ARL15: variants seen among roughly 807,000 people sequenced by gnomAD.
ARL15 encodes the protein ADP-ribosylation factor-like protein 15.
In ARL15, 19 loss-of-function variants were observed where a neutral mutation model predicts 25.2. The ratio of observed to expected loss-of-function variants is 0.75; its 90% CI spans 0.53 to 1.10. ARL15 has a LOEUF of 1.10. ARL15 is among the 50% of genes least tolerant of loss of function. ARL15 has a pLI of 0.00. For synonymous variants in ARL15, 94 were observed against 86.8 expected (o/e 1.08, Z -0.46); for missense variants, 220 against 246.0 (o/e 0.89, Z 0.71).
intron 1 of ARL15, among the ~76,000 whole-genome samples, chr5:54,213,287 T>C (rs1042579945): frequency 6.6e-6 from 1 of 152,216 alleles, no homozygotes; most frequent in African/African-American, 2.4e-5. Flanking sequence ...TACTGTTTCT[T>C]ACAACAAACT....
chr5:54,255,942 C>A (rs1323061947), intron 1 of ARL15, among the ~76,000 whole-genome samples: 3 of 151,934 alleles, frequency 2.0e-5, no homozygotes, highest in Middle Eastern at 6.8e-3. Context: ...AAGTTTATAG[C>A]ACTAAATGCC....
intron 4 of ARL15, among the ~76,000 whole-genome samples, chr5:53,991,576 C>A (rs788595): frequency 9.1e-5 from 12 of 132,132 alleles, no homozygotes; most frequent in East Asian, 2.3e-4. Flanking sequence ...GGGCGGGGGG[C>A]AATTGAAGCA....
intron 4 of ARL15, among the ~76,000 whole-genome samples, chr5:53,993,002 C>A (rs191414988): frequency 6.6e-6 from 1 of 151,550 alleles, no homozygotes; most frequent in African/African-American, 2.4e-5. Flanking sequence ...GCCAAGATGG[C>A]GCCATTGCAC....
At chr5:54,050,854 C>T in intron 4 of ARL15, among the ~76,000 whole-genome samples, 1 of 152,244 alleles carries the variant, frequency 6.6e-6, no homozygotes, top group South Asian at 2.1e-4. Flanking sequence ...GAAGAGCCTA[C>T]TAATTTAATC....
At chr5:54,017,994 A>G (rs1561190713) in intron 4 of ARL15, among the ~76,000 whole-genome samples, 1 of 151,462 alleles carries the variant, frequency 6.6e-6, no homozygotes, top group Admixed American at 6.6e-5. Context: ...AGGGGTAAAC[A>G]TTTTTTTTTA....
At chr5:54,214,198 C>A (rs1163858932) in intron 1 of ARL15, among the ~76,000 whole-genome samples, 4 of 152,102 alleles carry the variant, frequency 2.6e-5, no homozygotes, top group African/African-American at 9.7e-5. Context: ...GCCTTCAGCT[C>A]CAGCACATTT....
chr5:53,903,489 T>C (rs937862865), intron 4 of ARL15, among the ~76,000 whole-genome samples: 4 of 152,154 alleles, frequency 2.6e-5, no homozygotes, highest in Admixed American at 1.3e-4. Context: ...CAGCTTCCCC[T>C]CTCACCTCAA....
At chr5:54,057,995 TA>T (rs796938233) in intron 4 of ARL15, among the ~76,000 whole-genome samples, 56 of 92,044 alleles carry the variant, frequency 6.1e-4, no homozygotes, top group African/African-American at 2.7e-3. Flanking sequence ...TGCCTTTATT[TA>T]TTTATTTATT....
At chr5:54,114,098 C>A (rs1286966281) in intron 3 of ARL15, among the ~76,000 whole-genome samples, 1 of 151,906 alleles carries the variant, frequency 6.6e-6, no homozygotes, top group African/African-American at 2.4e-5. Flanking sequence ...AATAAACAAA[C>A]AAACAAACAT....
At chr5:53,997,768 C>A (rs147221938) in intron 4 of ARL15, among the ~76,000 whole-genome samples, 1 of 151,882 alleles carries the variant, frequency 6.6e-6, no homozygotes, top group Non-Finnish European at 1.5e-5. Flanking sequence ...ATGCTAAGTA[C>A]AATTTTATTT....
intron 1 of ARL15, among the ~76,000 whole-genome samples, chr5:54,273,124 T>G (rs1010101979): frequency 1.1e-4 from 16 of 152,210 alleles, no homozygotes; most frequent in African/African-American, 3.9e-4. Flanking sequence ...TAAACTTACA[T>G]AGTCCCATAT....
intron 4 of ARL15, among the ~76,000 whole-genome samples, chr5:54,033,571 C>T (rs972469760): frequency 1.7e-4 from 26 of 150,612 alleles, no homozygotes; most frequent in African/African-American, 5.9e-4. Context: ...ACTCAGGAGG[C>T]TGAGGCAGGA....
At position 54,229,916 on chromosome 5, in the gene ARL15, C is replaced by T. The variant is rs796789634; in HGVS notation, c.49-57988G>A. Among the ~76,000 whole-genome samples the T allele has an allele frequency of 2.1e-4, 32 of 152,214 alleles. 1 individual carries two copies. Among genetic ancestry groups the T allele is most frequent in the African/African-American group, 7.7e-4 (32 of 41,532 alleles). Reference sequence around the variant, plus strand: ...GACTTTAAACCTGGATTCATAGATGCCTTCAGGACAGGGAAAAATCTAAGC... The same window carrying T: ...GACTTTAAACCTGGATTCATAGATGTCTTCAGGACAGGGAAAAATCTAAGC... On this transcript the variant is annotated intron_variant, in intron 1 of 4. Coordinates refer to ENST00000504924, the MANE Select transcript of ARL15 (RefSeq NM_019087.3).
chr5:54,204,905 G>C (rs1018394994), intron 1 of ARL15, among the ~76,000 whole-genome samples: 4 of 148,018 alleles, frequency 2.7e-5, no homozygotes, highest in African/African-American at 9.9e-5. Flanking sequence ...CATTTACGAA[G>C]AATCATCTTT....
intron 4 of ARL15, among the ~76,000 whole-genome samples, chr5:54,105,061 C>T (rs1164905991): frequency 2.6e-5 from 4 of 151,040 alleles, no homozygotes; most frequent in Non-Finnish European, 5.9e-5. Flanking sequence ...TAATAATTAT[C>T]ATAATTATAA....
chr5:54,011,792 C>T (rs868069620), intron 4 of ARL15, among the ~76,000 whole-genome samples: 2 of 151,986 alleles, frequency 1.3e-5, no homozygotes, highest in African/African-American at 4.8e-5. Context: ...GGGCGGATCT[C>T]GAGGTCAAGA....
intron 2 of ARL15, among the ~76,000 whole-genome samples, chr5:54,162,030 G>C (rs1353236546): frequency 1.8e-5 from 2 of 112,956 alleles, no homozygotes; most frequent in African/African-American, 6.8e-5. Context: ...CACACAGAGA[G>C]AGATACACAC....
intron 3 of ARL15, among the ~76,000 whole-genome samples, chr5:54,146,810 C>T (rs185136116): frequency 2.1e-4 from 32 of 152,214 alleles, no homozygotes; most frequent in African/African-American, 7.5e-4. Flanking sequence ...CATGTATATA[C>T]AGTCTTAGAA....
At chr5:53,930,308 TCTC>T (rs1746159038) in intron 4 of ARL15, among the ~76,000 whole-genome samples, 1 of 152,088 alleles carries the variant, frequency 6.6e-6, no homozygotes, top group Non-Finnish European at 1.5e-5. Flanking sequence ...GCCTATGGCT[TCTC>T]CTCCTGTTAC....
Sources: gnomAD v4.1 joint callset for allele counts (sites outside exome capture counted in the v4.1 genomes callset) on GRCh38, gnomAD v4.1.1 for gene constraint, MANE v1.5 for transcripts, NCBI Gene and HGNC (gene_info 2026-07-23, HGNC 2026-07-21) for gene names.